Variants in PRRG4 observed in about 807,000 individuals in gnomAD.
PRRG4 encodes transmembrane gamma-carboxyglutamic acid protein 4.
PRRG4 carries 12 observed loss-of-function variants against 20.0 expected under a neutral mutation model. That is an observed-to-expected ratio of 0.60 (90% CI 0.38 to 0.97). The LOEUF (loss-of-function observed/expected upper bound fraction) is 0.97. PRRG4 is among the 50% of genes least tolerant of loss of function. The pLI is 0.00. For synonymous variants in PRRG4, 94 were observed against 96.4 expected, an observed-to-expected ratio of 0.98 and a Z score of 0.15; for missense variants, 199 against 265.1, an observed-to-expected ratio of 0.75 and a Z score of 1.73.
At chr11:32,848,879 G>A (rs975699850) in intron 5 of PRRG4, among the ~76,000 whole-genome samples, 2 of 151,850 alleles carry the variant, frequency 1.3e-5, no homozygotes, top group Non-Finnish European at 2.9e-5. Flanking sequence ...GGCTGTGGCA[G>A]GAGAATCACT....
At chr11:32,836,994 A>G (rs1228993879) in intron 3 of PRRG4, among the ~76,000 whole-genome samples, 173 bp downstream of exon 3, 2 of 152,206 alleles carry the variant, frequency 1.3e-5, no homozygotes, top group Non-Finnish European at 2.9e-5. Context: ...CTTTACACCT[A>G]ATTAACTGGT....
At position 32,840,280 on chromosome 11, in the gene PRRG4, T is replaced by C. The variant is rs1851065980; in HGVS notation, c.449+41T>C. 2 of 1,382,668 alleles carry C rather than the reference T, an allele frequency of 1.4e-6. No homozygotes were observed. Among genetic ancestry groups the C allele is most frequent in the Admixed American group, 3.8e-5 (2 of 53,236 alleles). The allele number at this position is 1,382,668 out of a possible 1,614,324, so 85.6% of individuals were successfully genotyped here. On this transcript the variant is annotated intron_variant, in intron 5 of 5. Transcript: ENST00000257836. This position sits in a 1 kb window ranked among gnomAD's most constrained non-coding sequence, Gnocchi z 4.1. ...AATTATTTAATTCATCACTAGACAT[T>C]CTATATTATTATTTTAACAATGGGT... is the stretch of plus-strand genomic sequence containing the variant.
intron 5 of PRRG4, among the ~76,000 whole-genome samples, chr11:32,852,740 A>T (rs1431494929): frequency 1.3e-5 from 2 of 151,198 alleles, no homozygotes; most frequent in African/African-American, 4.9e-5. Context: ...GCCTTTGGTC[A>T]CATAGTTAGG....
chr11:32,848,764 G>T (rs1288125107), intron 5 of PRRG4, among the ~76,000 whole-genome samples: 1 of 151,970 alleles, frequency 6.6e-6, no homozygotes, highest in Non-Finnish European at 1.5e-5. Context: ...CTGAGGTCAG[G>T]AGTTCAAGAC....
intron 1 of PRRG4, 112 bp from the exon 2 acceptor site, chr11:32,830,396 C>T (rs1850956318): frequency 2.1e-6 from 2 of 967,714 alleles, no homozygotes; most frequent in Non-Finnish European, 2.8e-6. Flanking sequence ...GCGCGCCGGG[C>T]GCTCTTGCGC....
intron 5 of PRRG4, among the ~76,000 whole-genome samples, chr11:32,844,545 G>A (rs1195731862): frequency 6.6e-6 from 1 of 151,250 alleles, no homozygotes; most frequent in Non-Finnish European, 1.5e-5. Context: ...CTGTTACCCA[G>A]GCTGGAGTAC....
chr11:32,850,091 A>G (rs1851168219), intron 5 of PRRG4, among the ~76,000 whole-genome samples: 1 of 152,240 alleles, frequency 6.6e-6, no homozygotes, highest in Non-Finnish European at 1.5e-5. Context: ...GTCTTTAGAC[A>G]TTCTTCTTTT....
At chr11:32,848,679 G>A (rs546597493) in intron 5 of PRRG4, among the ~76,000 whole-genome samples, 2 of 151,732 alleles carry the variant, frequency 1.3e-5, no homozygotes, top group African/African-American at 4.8e-5. Flanking sequence ...AAAAAGAAAG[G>A]GTAAGAATTT....
At chr11:32,847,582 G>C (rs570416473) in intron 5 of PRRG4, among the ~76,000 whole-genome samples, 10 of 152,314 alleles carry the variant, frequency 6.6e-5, no homozygotes, top group Non-Finnish European at 1.2e-4. Context: ...CTGTGGAAAA[G>C]TTTGACAGTT....
At chr11:32,845,784 A>C (rs545022293) in intron 5 of PRRG4, among the ~76,000 whole-genome samples, 2 of 152,164 alleles carry the variant, frequency 1.3e-5, no homozygotes, top group Non-Finnish European at 2.9e-5. Context: ...GACCCACAGG[A>C]GCAAAGACAG....
At chr11:32,846,168 A>AAATAAT (rs1326331597) in intron 5 of PRRG4, among the ~76,000 whole-genome samples, 2 of 151,626 alleles carry the variant, frequency 1.3e-5, no homozygotes, top group East Asian at 1.9e-4. Flanking sequence ...TAATAATAAA[A>AAATAAT]AATAATAATA....
At chr11:32,830,974 G>A (rs1850965334) in intron 2 of PRRG4, among the ~76,000 whole-genome samples, 1 of 152,160 alleles carries the variant, frequency 6.6e-6, no homozygotes, top group South Asian at 2.1e-4. Context: ...GTTCTTCCTG[G>A]AGAGGCGAAC....
intron 5 of PRRG4, among the ~76,000 whole-genome samples, chr11:32,842,616 A>T (rs1851089230): frequency 6.6e-6 from 1 of 151,882 alleles, no homozygotes; most frequent in African/African-American, 2.4e-5. Context: ...GCTACTCGGG[A>T]GGCTGAGGCA....
intron 5 of PRRG4, among the ~76,000 whole-genome samples, chr11:32,851,250 ATATT>A (rs1851180703): frequency 6.6e-6 from 1 of 152,212 alleles, no homozygotes; most frequent in Admixed American, 6.5e-5. Flanking sequence ...CACTGTGTAG[ATATT>A]TAATGACTGA....
rs368079059 is a variant in PRRG4, at chr11:32,853,912, GAGA to G, written c.*404_*406del. The G allele has an allele frequency of 5.5e-3, 1,009 of 182,892 alleles. 5 individuals are homozygous for G. The highest frequency in any genetic ancestry group is 0.018 in the African/African-American group (735 of 41,854). 11.3% of individuals were successfully genotyped at this position (182,892 alleles called of 1,614,324 possible). A position where few individuals can be genotyped will look rare whatever the true frequency, so the allele number is the denominator to read the frequency against. On this transcript the variant is annotated 3_prime_UTR_variant, in exon 6 of 6. Transcript: ENST00000257836. Reference sequence around the variant, plus strand: ...GATGAAGGAGGAGGAGGAGGAGAAGGAGAAGAAGAAGAAGAAGAAGACCACAAA... The same window carrying G: ...GATGAAGGAGGAGGAGGAGGAGAAGGAGAAGAAGAAGAAGAAGACCACAAA...
intron 3 of PRRG4, among the ~76,000 whole-genome samples, chr11:32,837,507 A>AT (rs1325955513): frequency 7.4e-6 from 1 of 134,694 alleles, no homozygotes; most frequent in African/African-American, 2.8e-5. Flanking sequence ...TAACTAACTG[A>AT]GATGATGATG....
At chr11:32,830,474 T>C (rs1565111562) in intron 1 of PRRG4, 34 bp from the exon 2 acceptor site, 1 of 1,014,586 alleles carries the variant, frequency 9.9e-7, no homozygotes, top group Non-Finnish European at 1.3e-6. Flanking sequence ...GCTAGGGGCC[T>C]TTTTTTTTTA....
Position 32,853,362 on chromosome 11 carries a change from T to A in PRRG4, c.516T>A (p.Ala172=), listed in dbSNP as rs778156221. 4 of 1,614,018 alleles carry A rather than the reference T, an allele frequency of 2.5e-6. No homozygotes were observed. The East Asian group carries it at 8.9e-5, about 36-fold the overall frequency. Residue 172 remains alanine (A), a synonymous_variant, in exon 6 of 6, where the codon GCT becomes GCA. Transcript: ENST00000257836. ...PSIIFRRPEE[A]ALSPLPPSVE... ...TCATTTTCAGAAGACCTGAGGAGGC[T>A]GCCTTGTCTCCATTGCCGCCTTCTG...
chr11:32,852,377 G>A (rs1325667956), intron 5 of PRRG4, among the ~76,000 whole-genome samples: 1 of 152,180 alleles, frequency 6.6e-6, no homozygotes, highest in Non-Finnish European at 1.5e-5. Flanking sequence ...ATGACGTGAA[G>A]AAAGTACTGC....
Sources: allele counts gnomAD v4.1 joint callset (sites outside exome capture counted in the v4.1 genomes callset), GRCh38; gene constraint gnomAD v4.1.1; non-coding constraint Gnocchi (gnomAD v3.1); transcripts MANE v1.5; gene names NCBI Gene and HGNC (gene_info 2026-07-23, HGNC 2026-07-21).